SMARCA2: variants seen among roughly 807,000 people sequenced by gnomAD.
SMARCA2 encodes SWI/SNF related BAF chromatin remodeling complex subunit ATPase 2.
SMARCA2 carries 61 observed loss-of-function variants against 199.8 expected under a neutral mutation model. The ratio of observed to expected loss-of-function variants is 0.31; its 90% CI spans 0.25 to 0.38. SMARCA2 has a LOEUF of 0.38. SMARCA2 is among the 10% of genes least tolerant of loss of function. SMARCA2 has a pLI of 1.00. For synonymous variants in SMARCA2, 935 were observed against 732.0 expected, an observed-to-expected ratio of 1.28 and a Z score of -4.48; for missense variants, 1,344 against 2,012.2, an observed-to-expected ratio of 0.67 and a Z score of 6.35.
At chr9:2,139,153 A>G (rs1352213048) in intron 27 of SMARCA2, among the ~76,000 whole-genome samples, 2 of 152,212 alleles carry the variant, frequency 1.3e-5, no homozygotes, top group East Asian at 1.9e-4. Context: ...TAATCACCCA[A>G]CAGGTCTTCC....
intron 26 of SMARCA2, among the ~76,000 whole-genome samples, chr9:2,121,881 C>G (rs1296477908): frequency 6.6e-6 from 1 of 152,132 alleles, no homozygotes; most frequent in Non-Finnish European, 1.5e-5. Flanking sequence ...CTTTTAGATG[C>G]TATGTTCTCT....
At chr9:2,084,045 T>C (rs1196536179) in intron 16 of SMARCA2, 41 bp from the exon 17 acceptor site, 4 of 1,066,332 alleles carry the variant, frequency 3.8e-6, no homozygotes, top group Non-Finnish European at 5.8e-6. Flanking sequence ...TGCACATATA[T>C]GTCCATAGGA....
intron 1 of SMARCA2, among the ~76,000 whole-genome samples, chr9:2,023,346 C>T (rs1207799994): frequency 6.6e-6 from 1 of 152,084 alleles, no homozygotes; most frequent in African/African-American, 2.4e-5. Flanking sequence ...AATTTGTTGC[C>T]CTGATTGAAA....
At chr9:2,142,828 C>T (rs949809558) in intron 27 of SMARCA2, among the ~76,000 whole-genome samples, 16 of 152,112 alleles carry the variant, frequency 1.1e-4, no homozygotes, top group South Asian at 6.2e-4. Context: ...GTTGTTAGAA[C>T]GCGTTTCCCT....
Position 2,160,134 on chromosome 9 carries a change from G to A in SMARCA2, c.3982-1552G>A, listed in dbSNP as rs192589922. 163 of 560,668 alleles carry A rather than the reference G, an allele frequency of 2.9e-4. 2 individuals carry two copies. Among genetic ancestry groups the A allele is most frequent in the African/African-American group, 8.4e-4 (45 of 53,418 alleles). The allele number at this position is 560,668 out of a possible 1,614,324, so 34.7% of individuals were successfully genotyped here. A position where few individuals can be genotyped will look rare whatever the true frequency, so the allele number is the denominator to read the frequency against. On this transcript the variant is annotated intron_variant, in intron 27 of 33. Coordinates refer to ENST00000349721, the MANE Select transcript of SMARCA2 (RefSeq NM_003070.5). ...GGACAATTTCCTTTTCTTAATCTTC[G>A]CTTAGCTGCAGTGTGTTTAGCTGTA... is the stretch of plus-strand genomic sequence containing the variant.
intron 5 of SMARCA2, among the ~76,000 whole-genome samples, chr9:2,053,300 T>G (rs1039933414): frequency 6.6e-6 from 1 of 152,222 alleles, no homozygotes; most frequent in African/African-American, 2.4e-5. Flanking sequence ...GCAAAGGACA[T>G]GATTTGGTTC....
At chr9:2,154,838 C>A (rs191996958) in intron 27 of SMARCA2, among the ~76,000 whole-genome samples, 1 of 152,210 alleles carries the variant, frequency 6.6e-6, no homozygotes, top group African/African-American at 2.4e-5. Flanking sequence ...TTTTAATATA[C>A]TGAGAACCTC....
At chr9:2,155,101 T>G (rs141374272) in intron 27 of SMARCA2, among the ~76,000 whole-genome samples, 1 of 152,296 alleles carries the variant, frequency 6.6e-6, no homozygotes, top group East Asian at 1.9e-4. Flanking sequence ...AACAAAGGTG[T>G]AAATACTTCA....
At chr9:2,181,190 T>G in intron 29 of SMARCA2, 1 of 135,362 alleles carries the variant, frequency 7.4e-6, no homozygotes, top group Non-Finnish European at 1.6e-5. Context: ...ATGTATATTT[T>G]TATATATATG....
chr9:2,056,959 C>A lies in SMARCA2; in HGVS notation c.1347+114C>A. 1 of 850,028 alleles carries A rather than the reference C, an allele frequency of 1.2e-6. No individual in the cohort carries two copies. Among genetic ancestry groups the A allele is most frequent in the Non-Finnish European group, 1.8e-6 (1 of 551,394 alleles). 52.7% of individuals were successfully genotyped at this position (850,028 alleles called of 1,614,324 possible). A position where few individuals can be genotyped will look rare whatever the true frequency, so the allele number is the denominator to read the frequency against. On this transcript the variant is annotated intron_variant, in intron 7 of 33. Transcript: ENST00000349721. The surrounding 1 kb of genome is among the most constrained non-coding windows in gnomAD (Gnocchi z 4.0). ...ACCCTTGTGGGTGGTGGGGACATCACAGAACAGAACGGTTCCTTGACATGT... is the reference window on the plus strand; with the variant it reads ...ACCCTTGTGGGTGGTGGGGACATCAAAGAACAGAACGGTTCCTTGACATGT...
chr9:2,094,250 T>G (rs12001548), intron 19 of SMARCA2, among the ~76,000 whole-genome samples: 1,606 of 152,254 alleles, frequency 0.011, 23 homozygotes, highest in African/African-American at 0.037. Flanking sequence ...ATGCCCTAAT[T>G]GTGTGAGGAA....
chr9:2,165,093 G>A (rs999181458), intron 28 of SMARCA2, among the ~76,000 whole-genome samples: 4 of 152,114 alleles, frequency 2.6e-5, no homozygotes, highest in Non-Finnish European at 5.9e-5. Context: ...TGAGATTTTT[G>A]CACCATTAAA....
intron 14 of SMARCA2, among the ~76,000 whole-genome samples, chr9:2,080,965 T>C (rs1821541786): frequency 6.6e-6 from 1 of 152,230 alleles, no homozygotes; most frequent in African/African-American, 2.4e-5. Flanking sequence ...AGAATAGTCA[T>C]TTAATAAATA....
At chr9:2,067,553 G>A (rs1235180029) in intron 9 of SMARCA2, among the ~76,000 whole-genome samples, 3 of 152,182 alleles carry the variant, frequency 2.0e-5, no homozygotes, top group African/African-American at 7.2e-5. Flanking sequence ...TGTACATGTC[G>A]AAATAGTGAC....
At chr9:2,142,102 C>T (rs933967556) in intron 27 of SMARCA2, among the ~76,000 whole-genome samples, 11 of 152,088 alleles carry the variant, frequency 7.2e-5, no homozygotes, top group African/African-American at 2.2e-4. Context: ...CTCTGTTTCT[C>T]GAGAAGGTAG....
rs531338640 is a variant in SMARCA2, at chr9:2,081,762, A to G, written c.2185-70A>G. The stretch of plus-strand genomic sequence containing the variant: ...TGAGGAGTTAAGAAGTCACACCCTC[A>G]CTTGGGTTGTATTAGGATTAATTAC... On this transcript the variant is annotated intron_variant, in intron 14 of 33. Coordinates refer to ENST00000349721, the MANE Select transcript of SMARCA2 (RefSeq NM_003070.5). 363 of 1,432,210 alleles carry G rather than the reference A, an allele frequency of 2.5e-4. 6 individuals are homozygous for G. In the South Asian group the frequency reaches 4.3e-3, roughly 17 times the overall value. The allele number at this position is 1,432,210 out of a possible 1,614,324, so 88.7% of individuals were successfully genotyped here. A position where few individuals can be genotyped will look rare whatever the true frequency, so the allele number is the denominator to read the frequency against.
intron 13 of SMARCA2, among the ~76,000 whole-genome samples, chr9:2,077,114 G>A (rs1399151321): frequency 6.6e-6 from 1 of 152,116 alleles, no homozygotes; most frequent in Non-Finnish European, 1.5e-5. Flanking sequence ...TAGAATAGCA[G>A]AGTAGCTCAT....
rs182927388 is a variant in SMARCA2 at position 2,187,157 on chromosome 9, C to A, written c.4594+929C>A. On this transcript the variant is annotated intron_variant, in intron 32 of 33. Transcript: ENST00000349721. The stretch of plus-strand genomic sequence containing the variant: ...GGGGAAGAGGGGTGATGACAGGGTA[C>A]TGTCTTTATTTAAAATGTTGATAGT... 5.9e-5 allele frequency among the ~76,000 whole-genome samples: 9 copies of A among 151,978 alleles called. No homozygotes were observed. In the East Asian group the frequency reaches 7.7e-4, roughly 13 times the overall value.
At position 2,110,450 on chromosome 9, in the gene SMARCA2, C is replaced by A; in HGVS notation, c.3456+33C>A. ...TGTCCCACTCAGGTGCCCAGGCCTC[C>A]CTCTGGAGAGCAACTAAAAGATGAT... On this transcript the variant is annotated intron_variant, in intron 24 of 33. Coordinates refer to ENST00000349721, the MANE Select transcript of SMARCA2 (RefSeq NM_003070.5). The surrounding 1 kb of genome is among the most constrained non-coding windows in gnomAD (Gnocchi z 4.8). 1 of 1,523,272 alleles carries A rather than the reference C, an allele frequency of 6.6e-7. No individual in the cohort carries two copies. Among genetic ancestry groups the A allele is most frequent in the Non-Finnish European group, 8.8e-7 (1 of 1,132,972 alleles). The allele number at this position is 1,523,272 out of a possible 1,614,324, so 94.4% of individuals were successfully genotyped here.
Sources: gnomAD v4.1 joint callset for allele counts (sites outside exome capture counted in the v4.1 genomes callset) on GRCh38, gnomAD v4.1.1 for gene constraint, Gnocchi (gnomAD v3.1) non-coding constraint, MANE v1.5 for transcripts, NCBI Gene and HGNC (gene_info 2026-07-23, HGNC 2026-07-21) for gene names.